The following WDFY2 variants were observed in gnomAD, a reference collection of about 807,000 sequenced individuals.
The protein encoded by WDFY2 is WD repeat and FYVE domain containing 2.
Under a neutral mutation model 56.4 loss-of-function variants are expected in WDFY2, and 36 were observed. The observed-to-expected ratio is 0.64, with a 90% CI of 0.49 to 0.84. The LOEUF (loss-of-function observed/expected upper bound fraction) is 0.84, where lower values mean the gene tolerates loss of function less well. Among genes scored for constraint, WDFY2 ranks in the 40% least tolerant of loss-of-function variants. The pLI is 0.00. For missense variants in WDFY2, 444 were observed against 512.2 expected (o/e 0.87, Z 1.29); for synonymous variants, 176 against 183.7 (o/e 0.96, Z 0.34).
At chr13:51,751,184 G>A (rs940588526) in intron 7 of WDFY2, 126 bp from the exon 8 acceptor site, 2 of 756,176 alleles carry the variant, frequency 2.6e-6, no homozygotes, top group African/African-American at 3.8e-5. Flanking sequence ...AATTCCAACA[G>A]GTTTCTAAGA....
Position 51,759,980 on chromosome 13 carries a change from G to A in WDFY2, c.*211G>A. The stretch of plus-strand genomic sequence containing the variant: ...TCCAACTTGTTCATACAATATAAAA[G>A]AAGCTATTTTTTTAACAAATGGTTT... On this transcript the variant is annotated 3_prime_UTR_variant, in exon 12 of 12. Transcript: ENST00000298125. 2.0e-6 allele frequency: 1 copy of A among 503,362 alleles called. No homozygotes were observed. The highest frequency in any genetic ancestry group is 3.6e-6 in the Non-Finnish European group (1 of 278,696). The allele number at this position is 503,362 out of a possible 1,614,324, so 31.2% of individuals were successfully genotyped here. A position where few individuals can be genotyped will look rare whatever the true frequency, so the allele number is the denominator to read the frequency against.
chr13:51,608,119 T>G lies in WDFY2; in HGVS notation c.137+23295T>G, dbSNP rs76531968. Reference sequence around the variant, plus strand: ...TGATTTTAGCCCCTTAACACTCACTTTGGACTTCTGACCTTCAGAACTGTA... The same window carrying G: ...TGATTTTAGCCCCTTAACACTCACTGTGGACTTCTGACCTTCAGAACTGTA... On this transcript the variant is annotated intron_variant, in intron 1 of 11. Transcript: ENST00000298125. Among the ~76,000 whole-genome samples the G allele has an allele frequency of 5.0e-3, 756 of 152,324 alleles. 5 individuals carry two copies. The highest frequency in any genetic ancestry group is 0.014 in the African/African-American group (594 of 41,568).
chr13:51,704,314 T>G (rs1452333651), intron 4 of WDFY2, among the ~76,000 whole-genome samples: 1 of 152,228 alleles, frequency 6.6e-6, no homozygotes, highest in Admixed American at 6.5e-5. Context: ...GAGCTAAAAT[T>G]TATTTCTCTT....
intron 1 of WDFY2, among the ~76,000 whole-genome samples, chr13:51,616,736 TGGA>T (rs1954624216): frequency 6.6e-6 from 1 of 152,210 alleles, no homozygotes; most frequent in Non-Finnish European, 1.5e-5. Flanking sequence ...TTAAGGAGGC[TGGA>T]AAGTGCTATC....
intron 6 of WDFY2, among the ~76,000 whole-genome samples, chr13:51,735,577 G>C (rs190699438): frequency 6.6e-6 from 1 of 152,326 alleles, no homozygotes; most frequent in Non-Finnish European, 1.5e-5. Flanking sequence ...ATGCTCTTCT[G>C]TTCTCAAAAG....
chr13:51,685,816 C>T (rs78799540), intron 3 of WDFY2, among the ~76,000 whole-genome samples: 1 of 152,036 alleles, frequency 6.6e-6, no homozygotes, highest in Non-Finnish European at 1.5e-5. Flanking sequence ...CTCCATTAGC[C>T]GGAGCAACTT....
intron 4 of WDFY2, among the ~76,000 whole-genome samples, chr13:51,713,104 A>C (rs907549157): frequency 6.6e-6 from 1 of 152,188 alleles, no homozygotes; most frequent in African/African-American, 2.4e-5. Flanking sequence ...GCAGAAGTGA[A>C]AGACTTTCCA....
intron 6 of WDFY2, among the ~76,000 whole-genome samples, chr13:51,734,890 T>C (rs576451777): frequency 3.0e-4 from 46 of 152,336 alleles, no homozygotes; most frequent in Admixed American, 9.1e-4. Context: ...ATGCTTTTTG[T>C]CATTTAAAAT....
chr13:51,707,283 C>G (rs1952103616), intron 4 of WDFY2, among the ~76,000 whole-genome samples: 1 of 152,150 alleles, frequency 6.6e-6, no homozygotes. Context: ...CCTCACCTCC[C>G]AAGTAGCTGG....
intron 1 of WDFY2, among the ~76,000 whole-genome samples, chr13:51,616,189 A>T (rs1161731670): frequency 6.6e-6 from 1 of 152,112 alleles, no homozygotes; most frequent in South Asian, 2.1e-4. Flanking sequence ...GTGAATTGTG[A>T]TTGTATCACT....
At position 51,727,810 on chromosome 13, in the gene WDFY2, C is replaced by A; in HGVS notation, c.598+20C>A. The stretch of plus-strand genomic sequence containing the variant: ...ACACAGGTAGGATTAACAGTAAAAT[C>A]GTCATGTGCTGATAGCACAGTGAGA... On this transcript the variant is annotated intron_variant, in intron 6 of 11. Coordinates refer to ENST00000298125, the MANE Select transcript of WDFY2 (RefSeq NM_052950.4). The A allele has an allele frequency of 6.2e-7, 1 of 1,608,736 alleles. No individual in the cohort carries two copies. The highest frequency in any genetic ancestry group is 2.2e-5 in the East Asian group (1 of 44,856).
At chr13:51,591,756 TTTGTACC>T (rs1954048076) in intron 1 of WDFY2, 1 of 152,190 alleles carries the variant, frequency 6.6e-6, no homozygotes, top group African/African-American at 2.4e-5. Flanking sequence ...CTGGTAATGT[TTTGTACC>T]TTCTTTTTCT....
At chr13:51,729,496 C>T (rs1312181541) in intron 6 of WDFY2, among the ~76,000 whole-genome samples, 5 of 151,804 alleles carry the variant, frequency 3.3e-5, no homozygotes, top group African/African-American at 7.3e-5. Context: ...CCCCACTTCT[C>T]CTCTTCTCAG....
In WDFY2 at chr13:51,765,758, AG is replaced by A. The variant is rs1953726711; in HGVS notation, c.*5990del. On this transcript the variant is annotated 3_prime_UTR_variant, in exon 12 of 12. Coordinates refer to ENST00000298125, the MANE Select transcript of WDFY2 (RefSeq NM_052950.4). ...GTTTGGTTTTGAGAAAAGATGGTGA[AG>A]TTTCTTTTCATGAGTTTGTAGGGCA... 1 of 152,202 alleles carries A rather than the reference AG, an allele frequency of 6.6e-6. No individual in the cohort carries two copies. The highest frequency in any genetic ancestry group is 2.4e-5 in the African/African-American group (1 of 41,462). The allele number at this position is 152,202 out of a possible 1,614,324, so 9.4% of individuals were successfully genotyped here.
At chr13:51,653,162 C>T (rs960838602) in intron 1 of WDFY2, among the ~76,000 whole-genome samples, 1 of 152,186 alleles carries the variant, frequency 6.6e-6, no homozygotes, top group Admixed American at 6.5e-5. Context: ...ACTTGATCTT[C>T]CATCACTGAT....
At chr13:51,654,198 C>T (rs917821795) in intron 1 of WDFY2, among the ~76,000 whole-genome samples, 10 of 152,228 alleles carry the variant, frequency 6.6e-5, no homozygotes, top group Admixed American at 2.0e-4. Context: ...TAGGACCCTC[C>T]GAGCCAGGCG....
chr13:51,717,290 G>T (rs1017171642), intron 4 of WDFY2, among the ~76,000 whole-genome samples: 4 of 151,866 alleles, frequency 2.6e-5, no homozygotes, highest in South Asian at 2.1e-4. Flanking sequence ...GAGTTTTGGG[G>T]TTTTTTTTGT....
intron 4 of WDFY2, among the ~76,000 whole-genome samples, chr13:51,707,366 C>G (rs1370608007): frequency 6.6e-6 from 1 of 152,098 alleles, no homozygotes; most frequent in Non-Finnish European, 1.5e-5. Flanking sequence ...GCCATGTTGC[C>G]CAGGCTGGTC....
chr13:51,724,094 TTAGG>T (rs1398473402), intron 5 of WDFY2, among the ~76,000 whole-genome samples: 12 of 152,084 alleles, frequency 7.9e-5, no homozygotes, highest in African/African-American at 2.9e-4. Context: ...TTATGAAATC[TTAGG>T]TTGGTTGGTT....
Sources: allele counts gnomAD v4.1 joint callset (sites outside exome capture counted in the v4.1 genomes callset), GRCh38; gene constraint gnomAD v4.1.1; transcripts MANE v1.5; gene names NCBI Gene and HGNC (gene_info 2026-07-23, HGNC 2026-07-21).